The following PLPPR3 variants were observed in gnomAD, a reference collection of about 807,000 sequenced individuals.
PLPPR3 encodes phospholipid phosphatase-related protein type 3.
PLPPR3 carries 14 observed loss-of-function variants against 27.3 expected under a neutral mutation model. The observed-to-expected ratio is 0.51, with a 90% CI of 0.34 to 0.80. The LOEUF (loss-of-function observed/expected upper bound fraction) is 0.80. Ranked by LOEUF, PLPPR3 falls within the 30% of genes least tolerant of loss-of-function variation. The pLI, the probability that PLPPR3 is intolerant of heterozygous loss-of-function variation, is 0.01. For missense variants in PLPPR3, 1,287 were observed against 1,056.9 expected, an observed-to-expected ratio of 1.22 and a Z score of -3.02; for synonymous variants, 671 against 508.0, an observed-to-expected ratio of 1.32 and a Z score of -4.32.
chr19:813,324 A>G lies in PLPPR3; in HGVS notation c.1403T>C (p.Leu468Pro). The G allele has an allele frequency of 1.4e-6, 2 of 1,469,412 alleles. No individual in the cohort carries two copies. Among genetic ancestry groups the G allele is most frequent in the African/African-American group, 1.5e-5 (1 of 68,520 alleles). 91.0% of individuals were successfully genotyped at this position (1,469,412 alleles called of 1,614,324 possible). ...EEDEGPAPPS[L>P]YPTVQARPGL... is the part of the protein sequence containing the mutation. Reference sequence around the variant, plus strand: ...CGGCCGCGCCTGCACGGTGGGGTAGAGCGAGGGCGGGGCCGGGCCCTCGTC... The same window carrying G: ...CGGCCGCGCCTGCACGGTGGGGTAGGGCGAGGGCGGGGCCGGGCCCTCGTC... The change falls in exon 8 of 8, where the codon CTC (leucine) becomes CCC (proline). Residue 468 changes from leucine (L) to proline (P), a missense_variant. Physicochemically the swap from Leu to Pro is moderately conservative, Grantham distance 98 (BLOSUM62 -3). Transcript: ENST00000520876. This position sits in a 1 kb window ranked among gnomAD's most constrained non-coding sequence, Gnocchi z 4.1.
rs1389963511 is a variant in PLPPR3 at position 813,343 on chromosome 19, C to T, written c.1384G>A (p.Gly462Ser). The change falls in exon 8 of 8, where the codon GGC (glycine) becomes AGC (serine). Residue 462 changes from glycine (G) to serine (S), a missense_variant. Physicochemically the swap from Gly to Ser is moderately conservative, Grantham distance 56. Coordinates refer to ENST00000520876, the MANE Select transcript of PLPPR3 (RefSeq NM_001270366.2). This position sits in a 1 kb window ranked among gnomAD's most constrained non-coding sequence, Gnocchi z 4.1. ...GGGTAGAGCGAGGGCGGGGCCGGGC[C>T]CTCGTCCTCCTCCTCTTCCTCCTCC... ...EEEEEEEEDE[G>S]PAPPSLYPTV... The T allele has an allele frequency of 6.8e-7, 1 of 1,474,696 alleles. No individual in the cohort carries two copies. The highest frequency in any genetic ancestry group is 1.3e-5 in the South Asian group (1 of 74,696). 91.4% of individuals were successfully genotyped at this position (1,474,696 alleles called of 1,614,324 possible).
chr19:817,465 G>A (rs574290077), intron 2 of PLPPR3, among the ~76,000 whole-genome samples: 3 of 152,098 alleles, frequency 2.0e-5, no homozygotes, highest in African/African-American at 7.2e-5. Flanking sequence ...GTAGAGGCGG[G>A]GTTTCACCAT....
At position 813,110 on chromosome 19, in the gene PLPPR3, G is replaced by T; in HGVS notation, c.1617C>A (p.Val539=). 6.7e-7 allele frequency: 1 copy of T among 1,502,758 alleles called. No homozygotes were observed. Among genetic ancestry groups the T allele is most frequent in the South Asian group, 1.3e-5 (1 of 79,600 alleles). 93.1% of individuals were successfully genotyped at this position (1,502,758 alleles called of 1,614,324 possible). Residue 539 remains valine (V), a synonymous_variant, in exon 8 of 8, where the codon GTC becomes GTA. Transcript: ENST00000520876. This position sits in a 1 kb window ranked among gnomAD's most constrained non-coding sequence, Gnocchi z 4.1. ...AVANPPRLLQ[V]IAMSKAPGAP... ...CGCCCGGAGCCTTGGACATGGCGAT[G>T]ACCTGCAGCAGCCGCGGAGGGTTGG...
Position 813,535 on chromosome 19 carries a change from G to A in PLPPR3, c.1192C>T (p.Pro398Ser), listed in dbSNP as rs760827894. 1.3e-6 allele frequency: 2 copies of A among 1,562,140 alleles called. No individual in the cohort carries two copies. Among genetic ancestry groups the A allele is most frequent in the East Asian group, 2.4e-5 (1 of 41,980 alleles). ...PARRHMTIHVPLDASRSKQLI... is the reference protein window; with the variant it reads ...PARRHMTIHVSLDASRSKQLI... ...TGCTTGGAGCGCGAGGCGTCCAGCG[G>A]CACGTGGATGGTCATGTGGCGGCGC... is the stretch of plus-strand genomic sequence containing the variant. Residue 398 changes from proline (P) to serine (S), a missense_variant, in exon 8 of 8, where the codon CCG (proline) becomes TCG (serine). Pro to Ser is a moderately conservative substitution (Grantham distance 74). Coordinates refer to ENST00000520876, the MANE Select transcript of PLPPR3 (RefSeq NM_001270366.2). This position sits in a 1 kb window ranked among gnomAD's most constrained non-coding sequence, Gnocchi z 4.1.
chr19:813,001 C>G lies in PLPPR3; in HGVS notation c.1726G>C (p.Asp576His). 1 of 1,514,686 alleles carries G rather than the reference C, an allele frequency of 6.6e-7. No homozygotes were observed. The highest frequency in any genetic ancestry group is 8.8e-7 in the Non-Finnish European group (1 of 1,138,854). The allele number at this position is 1,514,686 out of a possible 1,614,324, so 93.8% of individuals were successfully genotyped here. Residue 576 changes from aspartate (D) to histidine (H), a missense_variant, in exon 8 of 8, where the codon GAC becomes CAC. Asp to His is a moderately conservative substitution (Grantham distance 81). Transcript: ENST00000520876. This position sits in a 1 kb window ranked among gnomAD's most constrained non-coding sequence, Gnocchi z 4.1. ...TCGATGGTCACGATGCTGGCGGAGTCGCGGTCCGACGGCGACCGGTACTGC... is the reference window on the plus strand; with the variant it reads ...TCGATGGTCACGATGCTGGCGGAGTGGCGGTCCGACGGCGACCGGTACTGC... ...SSQYRSPSDR[D>H]SASIVTIDAH...
intron 2 of PLPPR3, among the ~76,000 whole-genome samples, chr19:817,201 C>T (rs1437674040): frequency 6.6e-6 from 1 of 152,178 alleles, no homozygotes; most frequent in Non-Finnish European, 1.5e-5. Flanking sequence ...TGGTCTCGAA[C>T]TCCTAGGCTC....
chr19:814,969 G>C lies in PLPPR3; in HGVS notation c.516C>G (p.Leu172=). ...FLTVCKPNYT[L]LGTSCEVNPY... is the part of the protein sequence containing the mutation. ...GGTTGACCTCGCAGGACGTGCCCAG[G>C]AGAGTGTAGTTGGGCTTGCAGACGG... Residue 172 remains leucine, a synonymous_variant, in exon 5 of 8, where the codon CTC becomes CTG. Coordinates refer to ENST00000520876, the MANE Select transcript of PLPPR3 (RefSeq NM_001270366.2). The C allele has an allele frequency of 6.2e-7, 1 of 1,612,686 alleles. No homozygotes were observed. The highest frequency in any genetic ancestry group is 2.2e-5 in the East Asian group (1 of 44,882).
chr19:818,164 C>T (rs1427088892), intron 2 of PLPPR3, among the ~76,000 whole-genome samples: 2 of 152,218 alleles, frequency 1.3e-5, no homozygotes, highest in East Asian at 3.9e-4. Context: ...GGGCAGATCA[C>T]CTGAGGTCAG....
upstream of PLPPR3, among the ~76,000 whole-genome samples, chr19:823,450 A>AAAAAAAAAAAAAAAAAAAAAAAAAAAAC (rs111454578): frequency 7.0e-6 from 1 of 143,834 alleles, no homozygotes; most frequent in Non-Finnish European, 1.5e-5. Flanking sequence ...TCAAAAAAAA[A>AAAAAAAAAAAAAAAAAAAAAAAAAAAAC]AAAAAAAACA....
chr19:820,197 T>G (rs1172870689), intron 2 of PLPPR3, among the ~76,000 whole-genome samples: 1 of 151,818 alleles, frequency 6.6e-6, no homozygotes, highest in Non-Finnish European at 1.5e-5. Flanking sequence ...TGGTAGCTTT[T>G]TTGTTTTAGA....
At position 814,963 on chromosome 19, in the gene PLPPR3, G is replaced by A. The variant is rs1200437079; in HGVS notation, c.522C>T (p.Gly174=). 1.1e-5 allele frequency: 17 copies of A among 1,612,456 alleles called. No individual in the cohort carries two copies. The highest frequency in any genetic ancestry group is 1.6e-4 in the Middle Eastern group (1 of 6,082). ...TVCKPNYTLL[G]TSCEVNPYIT... ...TGTAGGGGTTGACCTCGCAGGACGT[G>A]CCCAGGAGAGTGTAGTTGGGCTTGC... The change falls in exon 5 of 8, where the codon GGC becomes GGT. Residue 174 remains glycine, a synonymous_variant. Transcript: ENST00000520876.
In PLPPR3 at chr19:814,778, C is replaced by T. The variant is rs756007496; in HGVS notation, c.600-29G>A. The T allele has an allele frequency of 6.0e-5, 93 of 1,559,040 alleles. 2 individuals are homozygous for T. The South Asian group carries it at 1.0e-3, about 18-fold the overall frequency. On this transcript the variant is annotated intron_variant, in intron 5 of 7. Transcript: ENST00000520876. ...TAAGAGGCGTCCAGCGTGAGCCCCG[C>T]CCACCTGGGGACCCCAGCTCCAGTG... is the stretch of plus-strand genomic sequence containing the variant.
intron 2 of PLPPR3, among the ~76,000 whole-genome samples, chr19:820,079 C>T (rs1225904258): frequency 2.0e-5 from 3 of 152,098 alleles, no homozygotes; most frequent in Non-Finnish European, 4.4e-5. Context: ...AACTCTTGGG[C>T]TCAAGCAATC....
In PLPPR3 at chr19:813,386, CTCCTCCTCT is replaced by C. The variant is rs1766134068; in HGVS notation, c.1332_1340del (p.Glu445_Glu447del). 6.7e-7 allele frequency: 1 copy of C among 1,500,816 alleles called. No homozygotes were observed. Among genetic ancestry groups the C allele is most frequent in the Non-Finnish European group, 8.8e-7 (1 of 1,132,700 alleles). The allele number at this position is 1,500,816 out of a possible 1,614,324, so 93.0% of individuals were successfully genotyped here. On this transcript the variant is annotated inframe_deletion, in exon 8 of 8. Coordinates refer to ENST00000520876, the MANE Select transcript of PLPPR3 (RefSeq NM_001270366.2). The surrounding 1 kb of genome is among the most constrained non-coding windows in gnomAD (Gnocchi z 4.1). ...CCTCCTCCTCCTCTTCCTCTTCGTCCTCCTCCTCTTCCTCCTCCTCCGCCATGGGTTCGG... is the reference window on the plus strand; with the variant it reads ...CCTCCTCCTCCTCTTCCTCTTCGTCCTCCTCCTCCTCCGCCATGGGTTCGG...
At chr19:814,810 C>T (rs2035022675) in intron 5 of PLPPR3, 61 bp from the exon 6 acceptor site, 2 of 1,567,220 alleles carry the variant, frequency 1.3e-6, no homozygotes, top group Non-Finnish European at 1.7e-6. Flanking sequence ...AGTGGCCTCT[C>T]TGTGTCTCTG....
rs1172904709 is a variant in PLPPR3, at chr19:813,044, G to A, written c.1683C>T (p.Ser561=). The A allele has an allele frequency of 5.3e-6, 8 of 1,510,668 alleles. No individual in the cohort carries two copies. Among genetic ancestry groups the A allele is most frequent in the South Asian group, 1.2e-5 (1 of 82,240 alleles). The allele number at this position is 1,510,668 out of a possible 1,614,324, so 93.6% of individuals were successfully genotyped here. The change falls in exon 8 of 8, where the codon AGC becomes AGT. Residue 561 remains serine, a synonymous_variant. Transcript: ENST00000520876. The surrounding 1 kb of genome is among the most constrained non-coding windows in gnomAD (Gnocchi z 4.1). ...PKAAETASSS[S]ASSDSSQYRS... ...GGTACTGCGAGGAGTCGGAGCTGGCGCTGGACGACGACGCCGTCTCGGCCG... is the reference window on the plus strand; with the variant it reads ...GGTACTGCGAGGAGTCGGAGCTGGCACTGGACGACGACGCCGTCTCGGCCG...
chr19:821,359 G>T, intron 2 of PLPPR3, 126 bp downstream of exon 2: 2 of 507,138 alleles, frequency 3.9e-6, no homozygotes, highest in Non-Finnish European at 6.1e-6. Context: ...CGGACACCCC[G>T]GTCCTGCCCC....
chr19:821,074 G>A (rs567725740), intron 2 of PLPPR3, among the ~76,000 whole-genome samples: 1 of 152,280 alleles, frequency 6.6e-6, no homozygotes, highest in African/African-American at 2.4e-5. Context: ...GAGAGGTTAG[G>A]GGCAGGGCAC....
chr19:822,411 C>T (rs1015618384), upstream of PLPPR3, among the ~76,000 whole-genome samples: 6 of 152,086 alleles, frequency 3.9e-5, no homozygotes, highest in African/African-American at 1.4e-4. Flanking sequence ...CGGAGCCCGC[C>T]GCTCGCTGGT....
Sources: gnomAD v4.1 joint callset for allele counts (sites outside exome capture counted in the v4.1 genomes callset) on GRCh38, gnomAD v4.1.1 for gene constraint, Gnocchi (gnomAD v3.1) non-coding constraint, MANE v1.5 for transcripts, NCBI Gene and HGNC (gene_info 2026-07-23, HGNC 2026-07-21) for gene names.